MCOLN1: variants seen among roughly 807,000 people sequenced by gnomAD.
MCOLN1 encodes the protein mucolipin-1.
MCOLN1 carries 50 observed loss-of-function variants against 70.3 expected under a neutral mutation model. The observed-to-expected ratio is 0.71, with a 90% CI of 0.57 to 0.90. The LOEUF is 0.90. Among genes scored for constraint, MCOLN1 ranks in the 40% least tolerant of loss-of-function variants. MCOLN1 has a pLI of 0.00. For synonymous variants in MCOLN1, 366 were observed against 341.0 expected (o/e 1.07, Z -0.81); for missense variants, 598 against 803.5 (o/e 0.74, Z 3.09).
At chr19:7,527,660 G>A (rs1466056489) in intron 5 of MCOLN1, 32 bp downstream of exon 5, 1 of 1,490,890 alleles carries the variant, frequency 6.7e-7, no homozygotes, top group East Asian at 2.3e-5. Context: ...GGGGCCCAGG[G>A]TGGGGGAGGC....
rs746192911 is a variant in MCOLN1 at position 7,526,631 on chromosome 19, G to A, written c.405+25G>A. On this transcript the variant is annotated intron_variant, in intron 3 of 13. Coordinates refer to ENST00000264079, the MANE Select transcript of MCOLN1 (RefSeq NM_020533.3). This position sits in a 1 kb window ranked among gnomAD's most constrained non-coding sequence, Gnocchi z 4.6. The stretch of plus-strand genomic sequence containing the variant: ...GGTGCTGGTGGGCGGGCAGGTGCTG[G>A]TGGGCAGGCAGGTGCAGGTGGGCGG... The A allele has an allele frequency of 6.2e-7, 1 of 1,607,710 alleles. No homozygotes were observed. The highest frequency in any genetic ancestry group is 8.5e-7 in the Non-Finnish European group (1 of 1,179,282).
In MCOLN1 at chr19:7,528,090, C is replaced by T; in HGVS notation, c.778-68C>T. 1 of 1,570,286 alleles carries T rather than the reference C, an allele frequency of 6.4e-7. No homozygotes were observed. The highest frequency in any genetic ancestry group is 8.8e-7 in the Non-Finnish European group (1 of 1,140,254). On this transcript the variant is annotated intron_variant, in intron 6 of 13. Coordinates refer to ENST00000264079, the MANE Select transcript of MCOLN1 (RefSeq NM_020533.3). The surrounding 1 kb of genome is among the most constrained non-coding windows in gnomAD (Gnocchi z 4.2). ...GGAGGGAGCCCGGGGTCTGTCAGGCCACCTGTCATGTGGACCTTGGGGCTT... is the reference window on the plus strand; with the variant it reads ...GGAGGGAGCCCGGGGTCTGTCAGGCTACCTGTCATGTGGACCTTGGGGCTT...
In MCOLN1 at chr19:7,526,697, G is replaced by T. The variant is rs2022574584; in HGVS notation, c.406-64G>T. ...CGGGCAGGTGCTGGTGGGCGGGCAG[G>T]TGCAGGTGGGTGGGCTGCAGAGAGC... On this transcript the variant is annotated intron_variant, in intron 3 of 13. Coordinates refer to ENST00000264079, the MANE Select transcript of MCOLN1 (RefSeq NM_020533.3). This position sits in a 1 kb window ranked among gnomAD's most constrained non-coding sequence, Gnocchi z 4.6. 44 of 1,604,402 alleles carry T rather than the reference G, an allele frequency of 2.7e-5. No homozygotes were observed. Among genetic ancestry groups the T allele is most frequent in the South Asian group, 7.7e-5 (7 of 90,792 alleles).
In MCOLN1 at chr19:7,526,084, C is replaced by T. The variant is rs2022563564; in HGVS notation, c.238-355C>T. 2.8e-6 allele frequency: 1 copy of T among 360,438 alleles called. No individual in the cohort carries two copies. The highest frequency in any genetic ancestry group is 4.1e-5 in the Admixed American group (1 of 24,226). 22.3% of individuals were successfully genotyped at this position (360,438 alleles called of 1,614,324 possible). A position where few individuals can be genotyped will look rare whatever the true frequency, so the allele number is the denominator to read the frequency against. ...CTCAAAAAAGAAAAGAAAAGGGACC[C>T]AGTCATGGTACTTACCCTGAAAGTT... On this transcript the variant is annotated intron_variant, in intron 2 of 13. Transcript: ENST00000264079. This position sits in a 1 kb window ranked among gnomAD's most constrained non-coding sequence, Gnocchi z 4.6.
At chr19:7,533,349 G>A (rs1217102350) in intron 12 of MCOLN1, 174 bp from the exon 13 acceptor site, 1 of 772,214 alleles carries the variant, frequency 1.3e-6, no homozygotes, top group Non-Finnish European at 2.1e-6. Context: ...TCAGGGGTCA[G>A]GGAAGGTCCC....
chr19:7,523,506 C>T (rs765700783), intron 1 of MCOLN1, among the ~76,000 whole-genome samples: 15 of 152,192 alleles, frequency 9.9e-5, no homozygotes, highest in Non-Finnish European at 1.9e-4. Context: ...CATCTCATTG[C>T]AAAGGGAGGG....
rs1304821533 is a variant in MCOLN1, at chr19:7,525,946, C to T, written c.238-493C>T. ...GGTTTGGTGGCAGGTACCTGTAACT[C>T]AGCTACTCAGGAGGCTGAGACAGGA... On this transcript the variant is annotated intron_variant, in intron 2 of 13. Coordinates refer to ENST00000264079, the MANE Select transcript of MCOLN1 (RefSeq NM_020533.3). The surrounding 1 kb of genome is among the most constrained non-coding windows in gnomAD (Gnocchi z 4.2). 5.3e-6 allele frequency: 1 copy of T among 190,322 alleles called. No individual in the cohort carries two copies. Among genetic ancestry groups the T allele is most frequent in the Non-Finnish European group, 1.1e-5 (1 of 89,968 alleles). 11.8% of individuals were successfully genotyped at this position (190,322 alleles called of 1,614,324 possible). A position where few individuals can be genotyped will look rare whatever the true frequency, so the allele number is the denominator to read the frequency against.
chr19:7,531,269 C>T (rs1373862722), intron 12 of MCOLN1, among the ~76,000 whole-genome samples: 2 of 151,438 alleles, frequency 1.3e-5, no homozygotes, highest in African/African-American at 2.4e-5. Context: ...GGCATGATCT[C>T]GGCTCACTGC....
rs370618602 is a variant in MCOLN1 at position 7,528,750 on chromosome 19, T to C, written c.984+47T>C. 6.2e-7 allele frequency: 1 copy of C among 1,614,168 alleles called. No individual in the cohort carries two copies. Among genetic ancestry groups the C allele is most frequent in the African/African-American group, 1.3e-5 (1 of 75,078 alleles). On this transcript the variant is annotated intron_variant, in intron 8 of 13. Coordinates refer to ENST00000264079, the MANE Select transcript of MCOLN1 (RefSeq NM_020533.3). The surrounding 1 kb of genome is among the most constrained non-coding windows in gnomAD (Gnocchi z 4.2). ...TGCTGGTGTCCTCCCCGCCTGGCCC[T>C]GGGGCGATAAAAGCCAGGGCTTTGA...
intron 10 of MCOLN1, 85 bp from the exon 11 acceptor site, chr19:7,529,505 C>CCCCCCCCCCCCCCCCCCCCGGGG: frequency 2.6e-6 from 2 of 755,744 alleles, no homozygotes; most frequent in Non-Finnish European, 2.3e-6. Context: ...GGCAAGGCCC[C>CCCCCCCCCCCCCCCCCCCCGGGG]GCCCCTCCCA....
Position 7,528,001 on chromosome 19 carries a change from G to A in MCOLN1, c.777+41G>A. 1 of 1,579,920 alleles carries A rather than the reference G, an allele frequency of 6.3e-7. No individual in the cohort carries two copies. On this transcript the variant is annotated intron_variant, in intron 6 of 13. Transcript: ENST00000264079. The surrounding 1 kb of genome is among the most constrained non-coding windows in gnomAD (Gnocchi z 4.2). ...AACCCACAGGGCTCCTGAGTTCCAG[G>A]GCAGGGACCTGGTCAGGGAGTGTCT...
Position 7,531,100 on chromosome 19 carries a change from G to T in MCOLN1, c.1575+599G>T, listed in dbSNP as rs138031854. The stretch of plus-strand genomic sequence containing the variant: ...TTATTAGAGACAAGGGTCTCACTGT[G>T]TTACCCAGGCTGGTTTCAAACTCCT... On this transcript the variant is annotated intron_variant, in intron 12 of 13. Transcript: ENST00000264079. 9.9e-4 allele frequency among the ~76,000 whole-genome samples: 150 copies of T among 151,920 alleles called. 1 individual carries two copies. The East Asian group carries it at 0.026, about 26-fold the overall frequency.
chr19:7,523,636 A>G (rs911109869), intron 1 of MCOLN1, among the ~76,000 whole-genome samples: 5 of 152,250 alleles, frequency 3.3e-5, no homozygotes, highest in Non-Finnish European at 7.3e-5. Context: ...CCTAGAAAGC[A>G]CATCCCCATG....
At position 7,530,246 on chromosome 19, in the gene MCOLN1, C is replaced by T. The variant is rs938703233; in HGVS notation, c.1360-40C>T. On this transcript the variant is annotated intron_variant, in intron 11 of 13. Transcript: ENST00000264079. ...CTGACCCCAGCCCCCGGTTCCTGGC[C>T]ATGCCTTGGCTCCCTCTGACCCCGC... The T allele has an allele frequency of 3.2e-6, 5 of 1,566,470 alleles. No homozygotes were observed. In the Admixed American group the frequency reaches 8.3e-5, roughly 26 times the overall value.
At position 7,533,053 on chromosome 19, in the gene MCOLN1, C is replaced by A. The variant is rs45529138; in HGVS notation, c.1576-470C>A. Among the ~76,000 whole-genome samples, 774 of 152,348 alleles carry A rather than the reference C, an allele frequency of 5.1e-3. 5 individuals carry two copies. Among genetic ancestry groups the A allele is most frequent in the Non-Finnish European group, 6.5e-3 (441 of 68,040 alleles). ...AATGTCACCGGCAGATGGGTACACC[C>A]CCTTTTCCCCATGCATGGATTCAGC... On this transcript the variant is annotated intron_variant, in intron 12 of 13. Transcript: ENST00000264079.
At position 7,527,481 on chromosome 19, in the gene MCOLN1, C is replaced by G. The variant is rs1367421709; in HGVS notation, c.572-39C>G. 1.0e-5 allele frequency: 9 copies of G among 872,706 alleles called. No individual in the cohort carries two copies. The Admixed American group carries it at 1.5e-4, about 15-fold the overall frequency. 54.1% of individuals were successfully genotyped at this position (872,706 alleles called of 1,614,324 possible). A position where few individuals can be genotyped will look rare whatever the true frequency, so the allele number is the denominator to read the frequency against. ...CTCTGGGGAGACCAGCCTGGCCTCCCCGGCCCCCTGAGGCCCTTCCCTGAC... is the reference window on the plus strand; with the variant it reads ...CTCTGGGGAGACCAGCCTGGCCTCCGCGGCCCCCTGAGGCCCTTCCCTGAC... On this transcript the variant is annotated intron_variant, in intron 4 of 13. Coordinates refer to ENST00000264079, the MANE Select transcript of MCOLN1 (RefSeq NM_020533.3).
intron 11 of MCOLN1, 93 bp from the exon 12 acceptor site, chr19:7,530,193 C>G: frequency 8.8e-7 from 1 of 1,142,826 alleles, no homozygotes; most frequent in Non-Finnish European, 1.3e-6. Flanking sequence ...CAGCCACCAG[C>G]TCCTAGCCAT....
rs1449033730 is a variant in MCOLN1, at chr19:7,528,510, CT to C, written c.878-86del. ...CAACCAAAACCAGCCGTGCAGCCCC[CT>C]AGGTCTCCAGCCTGGCCTGGCACCA... On this transcript the variant is annotated intron_variant, in intron 7 of 13. Coordinates refer to ENST00000264079, the MANE Select transcript of MCOLN1 (RefSeq NM_020533.3). The surrounding 1 kb of genome is among the most constrained non-coding windows in gnomAD (Gnocchi z 4.2). The C allele has an allele frequency of 6.4e-7, 1 of 1,564,982 alleles. No homozygotes were observed. Among genetic ancestry groups the C allele is most frequent in the Non-Finnish European group, 8.7e-7 (1 of 1,146,868 alleles).
At chr19:7,529,767 C>T (rs1371371926) in intron 11 of MCOLN1, 55 bp downstream of exon 11, 4 of 1,609,172 alleles carry the variant, frequency 2.5e-6, no homozygotes, top group African/African-American at 1.3e-5. Flanking sequence ...GTCATTGACA[C>T]TGTGACCCCC....
Sources: allele counts gnomAD v4.1 joint callset (sites outside exome capture counted in the v4.1 genomes callset), GRCh38; gene constraint gnomAD v4.1.1; non-coding constraint Gnocchi (gnomAD v3.1); transcripts MANE v1.5; gene names NCBI Gene and HGNC (gene_info 2026-07-23, HGNC 2026-07-21).